PDZRN4: variants seen among roughly 807,000 people sequenced by gnomAD.
PDZRN4 encodes the protein PDZ domain-containing RING finger protein 4.
PDZRN4 carries 70 observed loss-of-function variants against 99.0 expected under a neutral mutation model. The observed-to-expected ratio is 0.71, with a 90% CI of 0.58 to 0.86. The LOEUF (loss-of-function observed/expected upper bound fraction) is 0.86, where lower values mean the gene tolerates loss of function less well. Ranked by LOEUF, PDZRN4 falls within the 40% of genes least tolerant of loss-of-function variation. PDZRN4 has a pLI of 0.00. For missense variants in PDZRN4, 1,474 were observed against 1,331.2 expected (o/e 1.11, Z -1.67); for synonymous variants, 551 against 501.6 (o/e 1.10, Z -1.32).
At chr12:41,259,635 C>T (rs569978350) in intron 3 of PDZRN4, among the ~76,000 whole-genome samples, 3 of 152,088 alleles carry the variant, frequency 2.0e-5, no homozygotes, top group Admixed American at 2.0e-4. Flanking sequence ...GACTTCAAGA[C>T]ACAAGAGAAA....
intron 3 of PDZRN4, among the ~76,000 whole-genome samples, chr12:41,489,382 C>T (rs1346287624): frequency 6.6e-6 from 1 of 152,122 alleles, no homozygotes; most frequent in Non-Finnish European, 1.5e-5. Context: ...AACAGTACTG[C>T]AGTTGAGAAA....
chr12:41,389,830 T>A (rs1229824479), intron 3 of PDZRN4, among the ~76,000 whole-genome samples: 1 of 152,198 alleles, frequency 6.6e-6, no homozygotes. Flanking sequence ...GGAAGAGTGA[T>A]CAGACATTTC....
chr12:41,272,332 G>T (rs1407412583), intron 3 of PDZRN4, among the ~76,000 whole-genome samples: 1 of 152,048 alleles, frequency 6.6e-6, no homozygotes, highest in East Asian at 1.9e-4. Flanking sequence ...TAACTCAGTT[G>T]AGACATACAG....
At chr12:41,195,294 T>C (rs962203208) in intron 3 of PDZRN4, among the ~76,000 whole-genome samples, 3 of 152,310 alleles carry the variant, frequency 2.0e-5, no homozygotes, top group Non-Finnish European at 2.9e-5. Context: ...TTGGAAGGTT[T>C]ACTTGACTCC....
intron 5 of PDZRN4, among the ~76,000 whole-genome samples, chr12:41,527,796 T>G (rs1938595155): frequency 1.3e-5 from 2 of 152,190 alleles, no homozygotes; most frequent in Non-Finnish European, 2.9e-5. Flanking sequence ...GCAGGCTTAT[T>G]TGTAACGGCA....
intron 3 of PDZRN4, among the ~76,000 whole-genome samples, chr12:41,408,113 AT>A (rs1160039854): frequency 1.3e-5 from 2 of 152,376 alleles, no homozygotes; most frequent in African/African-American, 2.4e-5. Context: ...CTAGAAAAAA[AT>A]GTCAGAAATA....
chr12:41,320,111 GCA>G (rs1951665360), intron 3 of PDZRN4, among the ~76,000 whole-genome samples: 1 of 152,294 alleles, frequency 6.6e-6, no homozygotes, highest in African/African-American at 2.4e-5. Context: ...TCCATCTTCT[GCA>G]CAGCCCCACC....
Position 41,211,398 on chromosome 12 carries a change from T to C in PDZRN4, c.843+17210T>C, listed in dbSNP as rs182676419. 5.6e-4 allele frequency among the ~76,000 whole-genome samples: 85 copies of C among 152,168 alleles called. 1 individual carries two copies. In the East Asian group the frequency reaches 0.015, roughly 27 times the overall value. ...ATATAAAGGAGGTTCTTATCTCTTTTATACTTGCCCATTACTTTTATTTCT... is the reference window on the plus strand; with the variant it reads ...ATATAAAGGAGGTTCTTATCTCTTTCATACTTGCCCATTACTTTTATTTCT... On this transcript the variant is annotated intron_variant, in intron 3 of 9. Coordinates refer to ENST00000402685, the MANE Select transcript of PDZRN4 (RefSeq NM_001164595.2).
At chr12:41,277,664 A>G (rs1951357836) in intron 3 of PDZRN4, among the ~76,000 whole-genome samples, 1 of 152,174 alleles carries the variant, frequency 6.6e-6, no homozygotes, top group Non-Finnish European at 1.5e-5. Flanking sequence ...ACTAATCTAG[A>G]GTTACTGCTG....
chr12:41,517,708 T>G (rs1273331910), intron 5 of PDZRN4, among the ~76,000 whole-genome samples: 1 of 152,134 alleles, frequency 6.6e-6, no homozygotes, highest in Non-Finnish European at 1.5e-5. Context: ...GTAACTCATA[T>G]AAGCAAAGTG....
rs11180935 is a variant in PDZRN4 at position 41,471,102 on chromosome 12, A to T, written c.844-35354A>T. Among the ~76,000 whole-genome samples, 1,283 of 152,288 alleles carry T rather than the reference A, an allele frequency of 8.4e-3. 42 individuals are homozygous for T. The East Asian group carries it at 0.13, about 15-fold the overall frequency. ...ATGAACACAGCGGTGGTTGGAAATGACCCCTTTAAGAAACTTGTGGGTGCA... is the reference window on the plus strand; with the variant it reads ...ATGAACACAGCGGTGGTTGGAAATGTCCCCTTTAAGAAACTTGTGGGTGCA... On this transcript the variant is annotated intron_variant, in intron 3 of 9. Transcript: ENST00000402685.
At chr12:41,567,929 T>A in intron 9 of PDZRN4, 30 bp downstream of exon 9, 1 of 1,255,026 alleles carries the variant, frequency 8.0e-7, no homozygotes, top group South Asian at 1.3e-5. Context: ...CTACATCATT[T>A]GATATGTTGC....
At chr12:41,336,740 T>C (rs567645565) in intron 3 of PDZRN4, among the ~76,000 whole-genome samples, 9 of 151,988 alleles carry the variant, frequency 5.9e-5, no homozygotes, top group African/African-American at 2.2e-4. Context: ...GCTTGGGAAG[T>C]GGGGAGTGTT....
At chr12:41,330,134 T>A (rs1951733274) in intron 3 of PDZRN4, among the ~76,000 whole-genome samples, 1 of 152,152 alleles carries the variant, frequency 6.6e-6, no homozygotes, top group Admixed American at 6.6e-5. Flanking sequence ...AAATTTTATG[T>A]TACTTTTATG....
Position 41,383,828 on chromosome 12 carries a change from T to C in PDZRN4, c.844-122628T>C, listed in dbSNP as rs150522594. The stretch of plus-strand genomic sequence containing the variant: ...TATTTATCAAAAAGTATTGAGGATA[T>C]ATGGGAAAACCTTTTCATGGAATAG... On this transcript the variant is annotated intron_variant, in intron 3 of 9. Transcript: ENST00000402685. Among the ~76,000 whole-genome samples, 616 of 152,278 alleles carry C rather than the reference T, an allele frequency of 4.0e-3. 3 individuals are homozygous for C. Among genetic ancestry groups the C allele is most frequent in the African/African-American group, 0.014 (571 of 41,562 alleles).
At chr12:41,229,920 C>A (rs943208576) in intron 3 of PDZRN4, among the ~76,000 whole-genome samples, 3 of 152,152 alleles carry the variant, frequency 2.0e-5, no homozygotes, top group East Asian at 3.9e-4. Flanking sequence ...TTTTGTTACA[C>A]ATAAAGTTGG....
At chr12:41,500,049 A>T (rs1938083103) in intron 3 of PDZRN4, among the ~76,000 whole-genome samples, 1 of 152,026 alleles carries the variant, frequency 6.6e-6, no homozygotes, top group South Asian at 2.1e-4. Flanking sequence ...TATTAAGGAA[A>T]CACACAAGTC....
intron 3 of PDZRN4, among the ~76,000 whole-genome samples, chr12:41,424,988 A>G (rs1421492051): frequency 6.6e-6 from 1 of 152,208 alleles, no homozygotes; most frequent in Non-Finnish European, 1.5e-5. Context: ...AAAAGAAAAT[A>G]GGTCAGTTGA....
At chr12:41,546,921 A>G (rs1409252761) in intron 5 of PDZRN4, among the ~76,000 whole-genome samples, 1 of 152,216 alleles carries the variant, frequency 6.6e-6, no homozygotes. Flanking sequence ...ATGTTAAACT[A>G]TTTTGATGGA....
Sources: gnomAD v4.1 joint callset for allele counts (sites outside exome capture counted in the v4.1 genomes callset) on GRCh38, gnomAD v4.1.1 for gene constraint, MANE v1.5 for transcripts, NCBI Gene and HGNC (gene_info 2026-07-23, HGNC 2026-07-21) for gene names.